Variants in FKRP observed in about 807,000 individuals in gnomAD.
FKRP encodes the protein ribitol 5-phosphate transferase FKRP.
A neutral mutation model predicts 30.6 loss-of-function variants in FKRP; 25 were observed. That is an observed-to-expected ratio of 0.82 (90% CI 0.60 to 1.14). FKRP has a LOEUF of 1.14. Among genes scored for constraint, FKRP ranks in the 50% most tolerant of loss-of-function variants. FKRP has a pLI of 0.00. For synonymous variants in FKRP, 358 were observed against 342.5 expected (o/e 1.05, Z -0.50); for missense variants, 771 against 727.8 (o/e 1.06, Z -0.68).
At chr19:46,746,481 G>C (rs866490833) in intron 1 of FKRP, 103 of 938,154 alleles carry the variant, frequency 1.1e-4, no homozygotes, top group Middle Eastern at 1.1e-3. Flanking sequence ...GCGCCTGCGC[G>C]GCCGCGCCAA....
chr19:46,756,591 G>T lies in FKRP; in HGVS notation c.1141G>T (p.Ala381Ser), dbSNP rs1031408738. The change falls in exon 4 of 4, where the codon GCA becomes TCA. Residue 381 changes from alanine (A) to serine (S), a missense_variant. By Grantham distance (99) the Ala-to-Ser change is moderately conservative (BLOSUM62 1). Transcript: ENST00000318584. The surrounding 1 kb of genome is among the most constrained non-coding windows in gnomAD (Gnocchi z 6.6). ...DVGNCEQLRGAEAGSVVDERG... is the reference protein window; with the variant it reads ...DVGNCEQLRGSEAGSVVDERG... ...GGGCAACTGCGAGCAGCTGCGGGGG[G>T]CAGAGGCCGGCTCGGTGGTGGATGA... 4 of 1,610,672 alleles carry T rather than the reference G, an allele frequency of 2.5e-6. No homozygotes were observed. Among genetic ancestry groups the T allele is most frequent in the Non-Finnish European group, 3.4e-6 (4 of 1,178,920 alleles).
Position 46,755,540 on chromosome 19 carries a change from G to A in FKRP, c.90G>A (p.Gln30=). 6.2e-7 allele frequency: 1 copy of A among 1,609,442 alleles called. No homozygotes were observed. The highest frequency in any genetic ancestry group is 8.5e-7 in the Non-Finnish European group (1 of 1,178,270). The change falls in exon 4 of 4, where the codon CAG becomes CAA. Residue 30 remains glutamine, a synonymous_variant. Transcript: ENST00000318584. ...TCTATGTCTCGTGGCTGCAGCACCAGCCTAGGAATTCCCGGGCCCGGGGGC... is the reference window on the plus strand; with the variant it reads ...TCTATGTCTCGTGGCTGCAGCACCAACCTAGGAATTCCCGGGCCCGGGGGC... The part of the protein sequence containing the change: ...VLFYVSWLQH[Q]PRNSRARGPR...
At position 46,751,060 on chromosome 19, in the gene FKRP, C is replaced by CT. The variant is rs750482929; in HGVS notation, c.-40+2410dup. On this transcript the variant is annotated intron_variant, in intron 3 of 3. Coordinates refer to ENST00000318584, the MANE Select transcript of FKRP (RefSeq NM_024301.5). ...GGGGATAGGAAGTACATGGGAGATG[C>CT]TTTTTTTTTTTTTTTAAAGACAGAC... Among the ~76,000 whole-genome samples the CT allele has an allele frequency of 5.0e-3, 665 of 133,338 alleles. 1 individual carries two copies. Among genetic ancestry groups the CT allele is most frequent in the African/African-American group, 0.011 (387 of 36,078 alleles). 87.5% of individuals were successfully genotyped at this position (133,338 alleles called of 152,430 possible).
intron 3 of FKRP, chr19:46,749,041 C>T (rs1257448967): frequency 6.6e-6 from 1 of 152,238 alleles, no homozygotes; most frequent in Non-Finnish European, 1.5e-5. Context: ...CCACACGTGG[C>T]CCTGTCAGTC....
Position 46,756,668 on chromosome 19 carries a change from G to A in FKRP, c.1218G>A (p.Gln406=), listed in dbSNP as rs2122633702. Residue 406 remains glutamine, a synonymous_variant, in exon 4 of 4, where the codon CAG becomes CAA. Coordinates refer to ENST00000318584, the MANE Select transcript of FKRP (RefSeq NM_024301.5). The surrounding 1 kb of genome is among the most constrained non-coding windows in gnomAD (Gnocchi z 6.6). ...KAVEGDFFRV[Q]YSESNHLHVD... ...TCGAGGGCGACTTTTTCCGCGTGCAGTACAGCGAAAGCAACCACTTGCACG... is the reference window on the plus strand; with the variant it reads ...TCGAGGGCGACTTTTTCCGCGTGCAATACAGCGAAAGCAACCACTTGCACG... 6.2e-7 allele frequency: 1 copy of A among 1,613,506 alleles called. No individual in the cohort carries two copies. The highest frequency in any genetic ancestry group is 1.3e-5 in the African/African-American group (1 of 75,060).
Position 46,756,913 on chromosome 19 carries a change from T to A in FKRP, c.1463T>A (p.Leu488Gln). Residue 488 changes from leucine to glutamine, a missense_variant, in exon 4 of 4, where the codon CTG becomes CAG. By Grantham distance (113) the Leu-to-Gln change is moderately radical (BLOSUM62 -2). Coordinates refer to ENST00000318584, the MANE Select transcript of FKRP (RefSeq NM_024301.5). The surrounding 1 kb of genome is among the most constrained non-coding windows in gnomAD (Gnocchi z 6.6). ...AACCCCCAGTACCCCAACCCGGCAC[T>A]GCTGAGTCTGACGGGAAGCGGCTGA... ...IENPQYPNPA[L>Q]LSLTGSG The A allele has an allele frequency of 6.2e-7, 1 of 1,613,062 alleles. No individual in the cohort carries two copies. The highest frequency in any genetic ancestry group is 8.5e-7 in the Non-Finnish European group (1 of 1,179,982).
chr19:46,752,327 G>A (rs1212487349), intron 3 of FKRP, among the ~76,000 whole-genome samples: 1 of 152,106 alleles, frequency 6.6e-6, no homozygotes, highest in African/African-American at 2.4e-5. Flanking sequence ...TGTGTTCGGA[G>A]CTCCTATGTA....
upstream of FKRP, chr19:46,746,047 T>C (rs2054589774): frequency 1.5e-6 from 1 of 684,604 alleles, no homozygotes; most frequent in Non-Finnish European, 1.9e-6. Context: ...CCGCCGGCCG[T>C]CCCGGCGGCC....
At position 46,757,206 on chromosome 19, in the gene FKRP, A is replaced by G. The variant is rs1285438342; in HGVS notation, c.*268A>G. 1 of 577,770 alleles carries G rather than the reference A, an allele frequency of 1.7e-6. No homozygotes were observed. Among genetic ancestry groups the G allele is most frequent in the African/African-American group, 1.9e-5 (1 of 53,234 alleles). The allele number at this position is 577,770 out of a possible 1,614,324, so 35.8% of individuals were successfully genotyped here. A position where few individuals can be genotyped will look rare whatever the true frequency, so the allele number is the denominator to read the frequency against. On this transcript the variant is annotated 3_prime_UTR_variant, in exon 4 of 4. Transcript: ENST00000318584. ...GGGGACATCCTGGGTCATCTCAGTC[A>G]TGGAGGGAGACGGGGATGTCACGCC...
At chr19:46,746,334 G>A in intron 1 of FKRP, 1 of 1,292,948 alleles carries the variant, frequency 7.7e-7, no homozygotes, top group Non-Finnish European at 9.7e-7. Flanking sequence ...GCGGAGACCG[G>A]GGCCGCCCCA....
Position 46,756,755 on chromosome 19 carries a change from C to A in FKRP, c.1305C>A (p.His435Gln). The A allele has an allele frequency of 6.2e-7, 1 of 1,606,652 alleles. No homozygotes were observed. Among genetic ancestry groups the A allele is most frequent in the Non-Finnish European group, 8.5e-7 (1 of 1,176,946 alleles). ...GVMTKDTWLD[H>Q]RQDVEFPEHF... ...TGACCAAGGACACGTGGCTGGACCA[C>A]CGGCAGGATGTGGAGTTTCCCGAGC... is the stretch of plus-strand genomic sequence containing the variant. The change falls in exon 4 of 4, where the codon CAC (histidine) becomes CAA (glutamine). Residue 435 changes from histidine (H) to glutamine (Q), a missense_variant. His to Gln is a conservative substitution (Grantham distance 24). Transcript: ENST00000318584. This position sits in a 1 kb window ranked among gnomAD's most constrained non-coding sequence, Gnocchi z 6.6.
At position 46,755,744 on chromosome 19, in the gene FKRP, C is replaced by A; in HGVS notation, c.294C>A (p.Asn98Lys). 1.9e-6 allele frequency: 3 copies of A among 1,559,436 alleles called. No individual in the cohort carries two copies. Among genetic ancestry groups the A allele is most frequent in the Non-Finnish European group, 2.6e-6 (3 of 1,159,618 alleles). Residue 98 changes from asparagine (N) to lysine (K), a missense_variant, in exon 4 of 4, where the codon AAC becomes AAA. Transcript: ENST00000318584. ...YPPLALPRIPNVRLALLQPAL... is the reference protein window; with the variant it reads ...YPPLALPRIPKVRLALLQPAL... ...CCCTGGCCCTGCCCCGCATCCCCAACGTGCGTCTGGCGCTGCTCCAGCCCG... is the reference window on the plus strand; with the variant it reads ...CCCTGGCCCTGCCCCGCATCCCCAAAGTGCGTCTGGCGCTGCTCCAGCCCG...
rs1269819838 is a variant in FKRP at position 46,756,624 on chromosome 19, T to A, written c.1174T>A (p.Phe392Ile). ...EAGSVVDERG[F>I]VWEKAVEGDF... ...CGGCTCGGTGGTGGATGAGCGCGGC[T>A]TCGTATGGGAGAAGGCGGTCGAGGG... The change falls in exon 4 of 4, where the codon TTC becomes ATC. Residue 392 changes from phenylalanine to isoleucine, a missense_variant. By Grantham distance (21) the Phe-to-Ile change is conservative. Transcript: ENST00000318584. This position sits in a 1 kb window ranked among gnomAD's most constrained non-coding sequence, Gnocchi z 6.6. The A allele has an allele frequency of 6.8e-6, 11 of 1,612,446 alleles. No individual in the cohort carries two copies. The highest frequency in any genetic ancestry group is 1.3e-5 in the African/African-American group (1 of 74,802).
Position 46,755,774 on chromosome 19 carries a change from G to A in FKRP, c.324G>A (p.Leu108=), listed in dbSNP as rs2054898950. Residue 108 remains leucine (L), a synonymous_variant, in exon 4 of 4, where the codon CTG becomes CTA. Coordinates refer to ENST00000318584, the MANE Select transcript of FKRP (RefSeq NM_024301.5). ...NVRLALLQPA[L]DRPAAASRPE... The stretch of plus-strand genomic sequence containing the variant: ...GTCTGGCGCTGCTCCAGCCCGCCCT[G>A]GACCGGCCAGCCGCAGCCTCGCGCC... The A allele has an allele frequency of 6.5e-7, 1 of 1,531,996 alleles. No individual in the cohort carries two copies. Among genetic ancestry groups the A allele is most frequent in the Non-Finnish European group, 8.7e-7 (1 of 1,143,556 alleles). 94.9% of individuals were successfully genotyped at this position (1,531,996 alleles called of 1,614,324 possible).
chr19:46,746,188 G>A, intron 1 of FKRP, 98 bp downstream of exon 1: 1 of 1,539,358 alleles, frequency 6.5e-7, no homozygotes, highest in Non-Finnish European at 8.7e-7. Context: ...GGGCTTTCTC[G>A]GCTTCGAAGC....
In FKRP at chr19:46,756,794, G is replaced by A. The variant is rs754446767; in HGVS notation, c.1344G>A (p.Pro448=). Residue 448 remains proline (P), a synonymous_variant, in exon 4 of 4, where the codon CCG becomes CCA. Transcript: ENST00000318584. This position sits in a 1 kb window ranked among gnomAD's most constrained non-coding sequence, Gnocchi z 6.6. ...AGTTTCCCGAGCACTTCCTGCAGCC[G>A]CTGGTGCCCCTGCCCTTTGCCGGCT... ...DVEFPEHFLQ[P]LVPLPFAGFV... 1 of 1,600,962 alleles carries A rather than the reference G, an allele frequency of 6.2e-7. No individual in the cohort carries two copies. Among genetic ancestry groups the A allele is most frequent in the South Asian group, 1.1e-5 (1 of 89,412 alleles).
chr19:46,746,496 C>T (rs956081927), intron 1 of FKRP: 6 of 750,830 alleles, frequency 8.0e-6, no homozygotes, highest in Non-Finnish European at 9.3e-6. Flanking sequence ...CGCCAACACC[C>T]CCCCCCCTCC....
At chr19:46,752,344 C>T (rs560976961) in intron 3 of FKRP, among the ~76,000 whole-genome samples, 7 of 152,122 alleles carry the variant, frequency 4.6e-5, no homozygotes, top group Non-Finnish European at 8.8e-5. Flanking sequence ...TGTACCTAAA[C>T]TCTAAGATTT....
intron 3 of FKRP, among the ~76,000 whole-genome samples, chr19:46,755,100 C>T (rs1228044090): frequency 6.6e-6 from 1 of 151,690 alleles, no homozygotes; most frequent in Non-Finnish European, 1.5e-5. Context: ...AAACTCTGTA[C>T]TTATCAAACA....
Sources: gnomAD v4.1 joint callset for allele counts (sites outside exome capture counted in the v4.1 genomes callset) on GRCh38, gnomAD v4.1.1 for gene constraint, Gnocchi (gnomAD v3.1) non-coding constraint, MANE v1.5 for transcripts, NCBI Gene and HGNC (gene_info 2026-07-23, HGNC 2026-07-21) for gene names.